The following PDGFD variants were observed in gnomAD, a reference collection of about 807,000 sequenced individuals.
PDGFD encodes the protein platelet-derived growth factor D.
In PDGFD, 30 loss-of-function variants were observed where a neutral mutation model predicts 44.7. The ratio of observed to expected loss-of-function variants is 0.67; its 90% confidence interval spans 0.50 to 0.91. The LOEUF (loss-of-function observed/expected upper bound fraction) is 0.91. Among genes scored for constraint, PDGFD ranks in the 40% least tolerant of loss-of-function variants. The pLI, the probability that PDGFD is intolerant of heterozygous loss-of-function variation, is 0.00. For missense variants in PDGFD, 445 were observed against 457.8 expected (o/e 0.97, Z 0.25); for synonymous variants, 173 against 168.4 (o/e 1.03, Z -0.21).
intron 1 of PDGFD, among the ~76,000 whole-genome samples, chr11:104,128,266 T>C (rs1033372475): frequency 6.6e-6 from 1 of 152,060 alleles, no homozygotes; most frequent in Non-Finnish European, 1.5e-5. Context: ...TATGCCACCT[T>C]GAATAAGAAA....
intron 3 of PDGFD, among the ~76,000 whole-genome samples, chr11:103,956,159 C>T (rs1858842494): frequency 6.6e-6 from 1 of 150,798 alleles, no homozygotes; most frequent in African/African-American, 2.5e-5. Flanking sequence ...TGTGCTGCAC[C>T]CATTAACTCG....
At chr11:104,088,676 T>C (rs1390093194) in intron 1 of PDGFD, among the ~76,000 whole-genome samples, 1 of 152,160 alleles carries the variant, frequency 6.6e-6, no homozygotes, top group Non-Finnish European at 1.5e-5. Context: ...GGCAGGTAAC[T>C]TTGGAAGGAC....
chr11:104,069,616 T>G (rs1294063605), intron 1 of PDGFD, among the ~76,000 whole-genome samples: 1 of 152,186 alleles, frequency 6.6e-6, no homozygotes, highest in Non-Finnish European at 1.5e-5. Context: ...ATCCCAGCAC[T>G]TTGGGAGTTC....
chr11:104,107,620 G>A (rs903666096), intron 1 of PDGFD, among the ~76,000 whole-genome samples: 1 of 152,192 alleles, frequency 6.6e-6, no homozygotes, highest in African/African-American at 2.4e-5. Flanking sequence ...CCATAGTAGA[G>A]ATGAAGTCCT....
chr11:104,013,567 G>A (rs1385726166), intron 1 of PDGFD, among the ~76,000 whole-genome samples: 1 of 152,090 alleles, frequency 6.6e-6, no homozygotes, highest in Non-Finnish European at 1.5e-5. Flanking sequence ...CAAGTCCTGT[G>A]AAGGGGTCCA....
At chr11:103,945,506 T>C (rs1187617715) in intron 4 of PDGFD, 1 of 152,182 alleles carries the variant, frequency 6.6e-6, no homozygotes, top group Non-Finnish European at 1.5e-5. Flanking sequence ...TGTGTCACAA[T>C]AGTGTGGTTC....
chr11:103,959,023 G>A (rs898448163), intron 3 of PDGFD, among the ~76,000 whole-genome samples: 10 of 152,162 alleles, frequency 6.6e-5, no homozygotes, highest in Admixed American at 3.3e-4. Context: ...ATGAAAAAGA[G>A]CACTCATGAA....
chr11:104,016,250 T>C (rs1373314575), intron 1 of PDGFD, among the ~76,000 whole-genome samples: 3 of 152,232 alleles, frequency 2.0e-5, no homozygotes, highest in African/African-American at 7.2e-5. Flanking sequence ...CATGGGTTTT[T>C]CCACCTTTCT....
chr11:104,111,409 C>T (rs1861555572), intron 1 of PDGFD, among the ~76,000 whole-genome samples: 1 of 151,832 alleles, frequency 6.6e-6, no homozygotes, highest in South Asian at 2.1e-4. Flanking sequence ...ATTACAGCTG[C>T]ATGCCACCAT....
chr11:104,029,227 T>G (rs906672355), intron 1 of PDGFD, among the ~76,000 whole-genome samples: 1 of 152,208 alleles, frequency 6.6e-6, no homozygotes, highest in African/African-American at 2.4e-5. Context: ...TAGATACCAT[T>G]GGGATGGTGT....
intron 1 of PDGFD, among the ~76,000 whole-genome samples, chr11:104,108,597 T>C (rs1020431746): frequency 2.0e-5 from 3 of 152,204 alleles, no homozygotes; most frequent in South Asian, 2.1e-4. Context: ...TTTTACACTG[T>C]TGGTGAGACT....
chr11:103,931,036 C>T (rs544165397), intron 5 of PDGFD, among the ~76,000 whole-genome samples: 2 of 152,028 alleles, frequency 1.3e-5, no homozygotes, highest in Non-Finnish European at 2.9e-5. Flanking sequence ...AATGATTTGT[C>T]CTCAGTGGGA....
intron 3 of PDGFD, among the ~76,000 whole-genome samples, chr11:103,963,488 C>G (rs565604800): frequency 6.6e-6 from 1 of 152,208 alleles, no homozygotes; most frequent in African/African-American, 2.4e-5. Context: ...AACAGTCCTT[C>G]ACCACCCCAT....
chr11:104,030,925 C>T (rs940473255), intron 1 of PDGFD, among the ~76,000 whole-genome samples: 1 of 152,294 alleles, frequency 6.6e-6, no homozygotes, highest in Admixed American at 6.5e-5. Flanking sequence ...TAAGCAACCA[C>T]AACATTTTAT....
chr11:104,156,884 A>C (rs1056512203), intron 1 of PDGFD, among the ~76,000 whole-genome samples: 1 of 152,170 alleles, frequency 6.6e-6, no homozygotes, highest in African/African-American at 2.4e-5. Flanking sequence ...TGGTTCTGAA[A>C]TACTGTATGA....
At chr11:103,952,907 C>G (rs955349398) in intron 3 of PDGFD, among the ~76,000 whole-genome samples, 2 of 152,162 alleles carry the variant, frequency 1.3e-5, no homozygotes, top group South Asian at 2.1e-4. Flanking sequence ...AGCTTTGGAA[C>G]ATAGATATGA....
chr11:103,986,448 T>G (rs533672521), intron 3 of PDGFD, among the ~76,000 whole-genome samples: 1 of 152,316 alleles, frequency 6.6e-6, no homozygotes, highest in Non-Finnish European at 1.5e-5. Context: ...TGCTCTTTTG[T>G]AGGGGGGAAC....
At chr11:104,044,506 T>C (rs755182664) in intron 1 of PDGFD, among the ~76,000 whole-genome samples, 1 of 152,232 alleles carries the variant, frequency 6.6e-6, no homozygotes, top group Non-Finnish European at 1.5e-5. Context: ...AAATCATATA[T>C]GGACAGTAAG....
At chr11:104,067,002 G>A (rs551797593) in intron 1 of PDGFD, among the ~76,000 whole-genome samples, 1 of 152,252 alleles carries the variant, frequency 6.6e-6, no homozygotes, top group Admixed American at 6.5e-5. Context: ...GTTAGGTGCT[G>A]GTGACGAAAG....
Sources: gnomAD v4.1 joint callset for allele counts (sites outside exome capture counted in the v4.1 genomes callset) on GRCh38, gnomAD v4.1.1 for gene constraint, MANE v1.5 for transcripts, NCBI Gene and HGNC (gene_info 2026-07-23, HGNC 2026-07-21) for gene names.